Variants in SYN3 observed in about 807,000 individuals in gnomAD.
SYN3 encodes synapsin-3.
A neutral mutation model predicts 65.8 loss-of-function variants in SYN3; 35 were observed. The ratio of observed to expected loss-of-function variants is 0.53; its 90% CI spans 0.41 to 0.70. The LOEUF (loss-of-function observed/expected upper bound fraction) is 0.70, where lower values mean the gene tolerates loss of function less well. Ranked by LOEUF, SYN3 falls within the 30% of genes least tolerant of loss-of-function variation. SYN3 has a pLI of 0.00. For synonymous variants in SYN3, 270 were observed against 292.9 expected (o/e 0.92, Z 0.80); for missense variants, 680 against 749.0 (o/e 0.91, Z 1.08).
At chr22:32,730,090 A>T (rs2413147) in intron 6 of SYN3, among the ~76,000 whole-genome samples, 69,023 of 152,030 alleles carry the variant, frequency 0.45, 16,052 homozygotes, top group African/African-American at 0.57. Context: ...AAGTAATAAT[A>T]GCCCTTGAGA....
intron 6 of SYN3, chr22:32,858,020 G>C: frequency 6.2e-7 from 1 of 1,614,126 alleles, no homozygotes; most frequent in Non-Finnish European, 8.5e-7. Flanking sequence ...CCTGTAGGTC[G>C]CGTCTATGAT....
intron 6 of SYN3, among the ~76,000 whole-genome samples, chr22:32,638,068 G>C (rs1279838031): frequency 6.6e-6 from 1 of 152,164 alleles, no homozygotes; most frequent in African/African-American, 2.4e-5. Flanking sequence ...AACATGCATT[G>C]TTTGGTTTAC....
intron 10 of SYN3, among the ~76,000 whole-genome samples, chr22:32,533,405 A>G (rs2058109762): frequency 6.6e-6 from 1 of 152,108 alleles, no homozygotes; most frequent in Non-Finnish European, 1.5e-5. Flanking sequence ...TGTTGAATGA[A>G]CAAATGATGG....
intron 12 of SYN3, among the ~76,000 whole-genome samples, chr22:32,527,041 A>G (rs1007023858): frequency 6.6e-6 from 1 of 152,152 alleles, no homozygotes; most frequent in African/African-American, 2.4e-5. Context: ...CATTGCCCTG[A>G]TTGCTTTTCA....
chr22:32,776,042 CAGAGAGAGATCTGGTGCCCGCAG>C (rs1290129709), intron 6 of SYN3, among the ~76,000 whole-genome samples: 4 of 152,180 alleles, frequency 2.6e-5, no homozygotes, highest in Admixed American at 2.6e-4. Flanking sequence ...ACGAGGCAGG[CAGAGAGAGATCTGGTGCCCGCAG>C]AGAGAGAGAT....
chr22:32,539,717 GT>G (rs1272490656), intron 8 of SYN3, among the ~76,000 whole-genome samples: 6 of 151,638 alleles, frequency 4.0e-5, no homozygotes, highest in Admixed American at 6.6e-5. Context: ...AGGAAACTCG[GT>G]AAGTAATGAC....
intron 1 of SYN3, among the ~76,000 whole-genome samples, chr22:33,025,135 C>G (rs1171823379): frequency 6.6e-6 from 1 of 151,918 alleles, no homozygotes. Flanking sequence ...GTCAGGAGTT[C>G]AAGACCAGCC....
intron 6 of SYN3, among the ~76,000 whole-genome samples, chr22:32,782,880 A>T (rs1042794631): frequency 6.6e-6 from 1 of 152,194 alleles, no homozygotes; most frequent in African/African-American, 2.4e-5. Context: ...GCCCTGAAGG[A>T]TGAACAGGAA....
At chr22:32,708,987 C>A (rs11702928) in intron 6 of SYN3, among the ~76,000 whole-genome samples, 2 of 152,094 alleles carry the variant, frequency 1.3e-5, no homozygotes, top group African/African-American at 2.4e-5. Context: ...TCGAGCCCTG[C>A]GGGGCAGTGA....
At chr22:32,711,970 T>G (rs7291871) in intron 6 of SYN3, among the ~76,000 whole-genome samples, 36,562 of 152,078 alleles carry the variant, frequency 0.24, 6,891 homozygotes, top group East Asian at 0.63. Context: ...TGCCTCAGCT[T>G]TCCAGCACTG....
chr22:32,828,797 C>T (rs1191160842), intron 6 of SYN3, among the ~76,000 whole-genome samples: 1 of 152,174 alleles, frequency 6.6e-6, no homozygotes, highest in East Asian at 1.9e-4. Flanking sequence ...ACTGAGCGTT[C>T]CCAGATTCAG....
At chr22:32,584,444 G>T (rs1385330159) in intron 7 of SYN3, among the ~76,000 whole-genome samples, 3 of 152,168 alleles carry the variant, frequency 2.0e-5, no homozygotes, top group Admixed American at 6.5e-5. Flanking sequence ...CTGTCTGAGG[G>T]TCTCTTAAGG....
chr22:32,668,135 T>C (rs904226313), intron 6 of SYN3, among the ~76,000 whole-genome samples: 2 of 152,194 alleles, frequency 1.3e-5, no homozygotes, highest in South Asian at 2.1e-4. Context: ...TTGAATTGTA[T>C]ACAAGGACAC....
Position 32,625,429 on chromosome 22 carries a change from C to G in SYN3, c.712-28693G>C, listed in dbSNP as rs542454850. On this transcript the variant is annotated intron_variant, in intron 6 of 13. Transcript: ENST00000358763. ...GTCACCAACCACCCCTTTCTCCCAG[C>G]TGGCTTTGGTCCTTTGCTGGCCTGA... Among the ~76,000 whole-genome samples, 96 of 152,354 alleles carry G rather than the reference C, an allele frequency of 6.3e-4. 1 individual carries two copies. Among genetic ancestry groups the G allele is most frequent in the Non-Finnish European group, 1.2e-3 (82 of 68,032 alleles).
chr22:32,678,033 T>A (rs2060470672), intron 6 of SYN3, among the ~76,000 whole-genome samples: 1 of 152,088 alleles, frequency 6.6e-6, no homozygotes, highest in South Asian at 2.1e-4. Context: ...AGGTGAGGCC[T>A]CAGAGGGAGG....
intron 7 of SYN3, among the ~76,000 whole-genome samples, chr22:32,555,015 T>C (rs1037767315): frequency 2.6e-5 from 4 of 152,230 alleles, no homozygotes; most frequent in Admixed American, 6.5e-5. Flanking sequence ...GCTCAATAAA[T>C]GTTATAACTA....
chr22:32,792,546 T>C (rs1444508932), intron 6 of SYN3, among the ~76,000 whole-genome samples: 2 of 152,230 alleles, frequency 1.3e-5, no homozygotes, highest in African/African-American at 4.8e-5. Flanking sequence ...CCTCTGGTTC[T>C]GGGCCCTATC....
intron 4 of SYN3, among the ~76,000 whole-genome samples, chr22:32,881,137 G>A (rs988707888): frequency 2.6e-5 from 4 of 152,230 alleles, no homozygotes; most frequent in African/African-American, 4.8e-5. Context: ...ATTATTCATC[G>A]GAGAGATAAG....
At chr22:33,045,459 CT>C (rs745442160) in intron 1 of SYN3, among the ~76,000 whole-genome samples, 979 of 84,678 alleles carry the variant, frequency 0.012, 1 homozygote, top group African/African-American at 0.022. Flanking sequence ...GCTCTACTTT[CT>C]TTTTTTTTTT....
Sources: gnomAD v4.1 joint callset for allele counts (sites outside exome capture counted in the v4.1 genomes callset) on GRCh38, gnomAD v4.1.1 for gene constraint, MANE v1.5 for transcripts, NCBI Gene and HGNC (gene_info 2026-07-23, HGNC 2026-07-21) for gene names.